The following DCAF5 variants were observed in gnomAD, a reference collection of about 807,000 sequenced individuals.
DCAF5 encodes DDB1 and CUL4 associated factor 5, also known as DDB1- and CUL4-associated factor 5.
A neutral mutation model predicts 80.7 loss-of-function variants in DCAF5; 9 were observed. The ratio of observed to expected loss-of-function variants is 0.11; its 90% confidence interval spans 0.07 to 0.19. DCAF5 has a LOEUF of 0.19. DCAF5 is among the 10% of genes least tolerant of loss of function. The probability of loss-of-function intolerance (pLI) is 1.00; values close to 1 mark genes in which losing one functional copy is unlikely to be tolerated. For missense variants in DCAF5, 842 were observed against 1,205.7 expected, an observed-to-expected ratio of 0.70 and a Z score of 4.47; for synonymous variants, 433 against 461.9, an observed-to-expected ratio of 0.94 and a Z score of 0.80.
intron 8 of DCAF5, among the ~76,000 whole-genome samples, chr14:69,057,365 C>A (rs1480097974): frequency 4.7e-5 from 7 of 149,514 alleles, no homozygotes; most frequent in Admixed American, 3.3e-4. Flanking sequence ...TTTTTTGCAT[C>A]TTATTTGTAA....
intron 1 of DCAF5, among the ~76,000 whole-genome samples, chr14:69,138,650 T>C (rs2041264773): frequency 6.6e-6 from 1 of 152,250 alleles, no homozygotes; most frequent in African/African-American, 2.4e-5. Context: ...ACTCACTAGT[T>C]GTAACCTACT....
chr14:69,056,436 G>A (rs554970876), intron 8 of DCAF5, among the ~76,000 whole-genome samples: 27 of 152,320 alleles, frequency 1.8e-4, no homozygotes, highest in African/African-American at 6.5e-4. Flanking sequence ...ACTCAGGTCT[G>A]CCTGACTTAA....
chr14:69,102,855 C>T (rs1402489789), intron 5 of DCAF5, among the ~76,000 whole-genome samples: 1 of 152,068 alleles, frequency 6.6e-6, no homozygotes, highest in South Asian at 2.1e-4. Flanking sequence ...ATACAGTAAA[C>T]AGGTAAACCA....
chr14:69,098,493 TGGTGTATCCCATGCTTAAAC>T (rs1334861775), intron 5 of DCAF5, among the ~76,000 whole-genome samples: 4 of 152,182 alleles, frequency 2.6e-5, no homozygotes, highest in African/African-American at 4.8e-5. Context: ...CATCTTTTCT[TGGTGTATCCCATGCTTAAAC>T]GGTGCCAGAC....
At chr14:69,087,966 T>C (rs905051871) in intron 6 of DCAF5, among the ~76,000 whole-genome samples, 1 of 152,198 alleles carries the variant, frequency 6.6e-6, no homozygotes, top group African/African-American at 2.4e-5. Flanking sequence ...GTTTCATCTA[T>C]ACAATAAAGT....
chr14:69,054,122 T>C lies in DCAF5; in HGVS notation c.2564A>G (p.Glu855Gly), dbSNP rs767020168. Reference sequence around the variant, plus strand: ...TCCTGGGGAAGAGTAGGCCACCACCTCCAGCTCCCCCAAGTTCTGCCCGTT... The same window carrying C: ...TCCTGGGGAAGAGTAGGCCACCACCCCCAGCTCCCCCAAGTTCTGCCCGTT... ...HNNGQNLGEL[E>G]VVAYSSPGHS... The change falls in exon 9 of 9, where the codon GAG (glutamate) becomes GGG (glycine). Residue 855 changes from glutamate to glycine, a missense_variant. This residue lies in a region of DCAF5 where 607 missense variants were observed against 656.6 expected (regional missense o/e 0.92). Transcript: ENST00000341516. 2 of 1,614,212 alleles carry C rather than the reference T, an allele frequency of 1.2e-6. No individual in the cohort carries two copies. Among genetic ancestry groups the C allele is most frequent in the South Asian group, 2.2e-5 (2 of 91,086 alleles).
intron 7 of DCAF5, among the ~76,000 whole-genome samples, chr14:69,073,715 C>A (rs1594949094): frequency 6.6e-6 from 1 of 152,310 alleles, no homozygotes; most frequent in Middle Eastern, 3.4e-3. Context: ...ATTGCTAATT[C>A]TTTCCTATTC....
At chr14:69,123,528 T>C (rs978671808) in intron 1 of DCAF5, among the ~76,000 whole-genome samples, 4 of 152,190 alleles carry the variant, frequency 2.6e-5, no homozygotes, top group African/African-American at 7.2e-5. Flanking sequence ...TATATATATA[T>C]ACATGTAACT....
chr14:69,120,609 A>T (rs1040356714), intron 2 of DCAF5, among the ~76,000 whole-genome samples: 3 of 152,216 alleles, frequency 2.0e-5, no homozygotes, highest in African/African-American at 7.2e-5. Flanking sequence ...TCTATGCTAA[A>T]ATGCACAACC....
intron 5 of DCAF5, among the ~76,000 whole-genome samples, chr14:69,102,578 T>C (rs1423316476): frequency 1.4e-5 from 1 of 73,680 alleles, no homozygotes; most frequent in Non-Finnish European, 3.1e-5. Flanking sequence ...CTTTTTATTT[T>C]GTTAAAAACA....
intron 1 of DCAF5, among the ~76,000 whole-genome samples, chr14:69,130,711 AT>A (rs1454546524): frequency 4.6e-5 from 7 of 152,240 alleles, no homozygotes; most frequent in African/African-American, 7.2e-5. Context: ...AATATAACGT[AT>A]TAGTGACTGT....
At chr14:69,107,121 C>T (rs2040190215) in intron 5 of DCAF5, among the ~76,000 whole-genome samples, 1 of 152,178 alleles carries the variant, frequency 6.6e-6, no homozygotes, top group South Asian at 2.1e-4. Flanking sequence ...TTCTGAATAA[C>T]TGGACTTGGG....
intron 1 of DCAF5, among the ~76,000 whole-genome samples, chr14:69,137,590 C>A (rs1466264948): frequency 1.3e-5 from 2 of 152,164 alleles, no homozygotes; most frequent in Non-Finnish European, 2.9e-5. Context: ...CCTAACACTT[C>A]TAGGAATGCA....
intron 8 of DCAF5, among the ~76,000 whole-genome samples, chr14:69,061,856 TA>T (rs1452921334): frequency 1.3e-5 from 2 of 152,082 alleles, no homozygotes; most frequent in East Asian, 1.9e-4. Flanking sequence ...GTGATTAGTT[TA>T]AAAAAATGGT....
At position 69,054,674 on chromosome 14, in the gene DCAF5, T is replaced by C; in HGVS notation, c.2012A>G (p.Tyr671Cys). Reference protein sequence around the residue: ...YKAYKWLRYSYISYSNNKDGE... With the variant: ...YKAYKWLRYSCISYSNNKDGE... Reference sequence around the variant, plus strand: ...ATCTTTGTTATTTGAGTAGGAGATATAAGAGTAGCGGAGCCACTTGTAAGC... The same window carrying C: ...ATCTTTGTTATTTGAGTAGGAGATACAAGAGTAGCGGAGCCACTTGTAAGC... The change falls in exon 9 of 9, where the codon TAT becomes TGT. Residue 671 changes from tyrosine to cysteine, a missense_variant. Physicochemically the swap from Tyr to Cys is radical, Grantham distance 194. Coordinates refer to ENST00000341516, the MANE Select transcript of DCAF5 (RefSeq NM_003861.3). The C allele has an allele frequency of 6.2e-7, 1 of 1,614,224 alleles. No individual in the cohort carries two copies. The highest frequency in any genetic ancestry group is 1.1e-5 in the South Asian group (1 of 91,088).
In DCAF5 at chr14:69,056,809, A is replaced by G. The variant is rs138230127; in HGVS notation, c.1075-1198T>C. ...TACTTGGCAATTCCTGAGAGGTGGT[A>G]TCTCTGCAGAGGACCCCCCATTTCC... On this transcript the variant is annotated intron_variant, in intron 8 of 8. Coordinates refer to ENST00000341516, the MANE Select transcript of DCAF5 (RefSeq NM_003861.3). Among the ~76,000 whole-genome samples, 14 of 152,244 alleles carry G rather than the reference A, an allele frequency of 9.2e-5. No homozygotes were observed. The East Asian group carries it at 2.1e-3, about 23-fold the overall frequency.
rs1310961511 is a variant in DCAF5, at chr14:69,084,731, A to G, written c.879+6943T>C. ...GTTGCTGAACTACATTGATTTGCCC[A>G]TCTTGGCCATTCATGGAAAGCAAAA... is the stretch of plus-strand genomic sequence containing the variant. On this transcript the variant is annotated intron_variant, in intron 6 of 8. Transcript: ENST00000341516. 1.0e-5 allele frequency: 13 copies of G among 1,269,406 alleles called. No homozygotes were observed. The Admixed American group carries it at 1.2e-4, about 12-fold the overall frequency. 78.6% of individuals were successfully genotyped at this position (1,269,406 alleles called of 1,614,324 possible).
chr14:69,089,639 A>G (rs1385962863), intron 6 of DCAF5: 1 of 152,248 alleles, frequency 6.6e-6, no homozygotes, highest in Non-Finnish European at 1.5e-5. Flanking sequence ...ACCTAGGACT[A>G]TCACAAAATA....
intron 6 of DCAF5, chr14:69,089,969 T>C (rs1470950638): frequency 1.0e-6 from 1 of 985,448 alleles, no homozygotes; most frequent in African/African-American, 1.7e-5. Flanking sequence ...AGGTCTTTGT[T>C]CTGGGTCTTC....
Sources: allele counts gnomAD v4.1 joint callset (sites outside exome capture counted in the v4.1 genomes callset), GRCh38; gene constraint gnomAD v4.1.1; regional missense constraint gnomAD v4.1.1; transcripts MANE v1.5; gene names NCBI Gene and HGNC (gene_info 2026-07-23, HGNC 2026-07-21).